Variants in SH3RF3 observed in about 807,000 individuals in gnomAD.
SH3RF3 encodes SH3 domain containing ring finger 3.
SH3RF3 carries 29 observed loss-of-function variants against 66.3 expected under a neutral mutation model. The observed-to-expected ratio is 0.44, with a 90% CI of 0.33 to 0.60. The LOEUF (loss-of-function observed/expected upper bound fraction) is 0.60, where lower values mean the gene tolerates loss of function less well. SH3RF3 is among the 20% of genes least tolerant of loss of function. SH3RF3 has a pLI of 0.04. For missense variants in SH3RF3, 1,194 were observed against 1,190.9 expected (o/e 1.00, Z -0.04); for synonymous variants, 583 against 532.0 (o/e 1.10, Z -1.32).
intron 9 of SH3RF3, among the ~76,000 whole-genome samples, chr2:109,494,978 G>A (rs542540737): frequency 1.2e-3 from 185 of 152,166 alleles, no homozygotes; most frequent in Non-Finnish European, 2.2e-3. Context: ...GGCCGGGTCA[G>A]CGAGGCTGGC....
At chr2:109,286,929 G>A (rs913381921) in intron 1 of SH3RF3, among the ~76,000 whole-genome samples, 2 of 152,184 alleles carry the variant, frequency 1.3e-5, no homozygotes, top group African/African-American at 4.8e-5. Flanking sequence ...AAAAGACAGT[G>A]AGCATTTGTG....
intron 1 of SH3RF3, among the ~76,000 whole-genome samples, chr2:109,316,117 C>G (rs745395654): frequency 1.2e-4 from 19 of 152,164 alleles, no homozygotes; most frequent in Non-Finnish European, 2.8e-4. Flanking sequence ...AAACCTAAAG[C>G]TTTCAAAAAG....
chr2:109,388,039 A>G (rs1042226100), intron 3 of SH3RF3, among the ~76,000 whole-genome samples: 4 of 152,148 alleles, frequency 2.6e-5, no homozygotes, highest in African/African-American at 9.7e-5. Context: ...ACTCCTGTTC[A>G]GCCCTCACAG....
At chr2:109,146,556 C>T (rs1677101704) in intron 1 of SH3RF3, among the ~76,000 whole-genome samples, 1 of 152,062 alleles carries the variant, frequency 6.6e-6, no homozygotes, top group Non-Finnish European at 1.5e-5. Context: ...TCCAAGAAGC[C>T]TACCTCTGAA....
At chr2:109,411,322 C>T (rs1298568836) in intron 4 of SH3RF3, among the ~76,000 whole-genome samples, 1 of 152,230 alleles carries the variant, frequency 6.6e-6, no homozygotes, top group East Asian at 1.9e-4. Flanking sequence ...AAAGGAGAGG[C>T]CCCTTTCCCT....
chr2:109,143,770 AC>A (rs2104841772), intron 1 of SH3RF3, among the ~76,000 whole-genome samples: 1 of 150,708 alleles, frequency 6.6e-6, no homozygotes, highest in East Asian at 1.9e-4. Flanking sequence ...AACAAAACAA[AC>A]AAACAAACAA....
chr2:109,397,807 C>T (rs766670758), intron 3 of SH3RF3, among the ~76,000 whole-genome samples: 34 of 152,240 alleles, frequency 2.2e-4, no homozygotes, highest in Non-Finnish European at 4.1e-4. Context: ...GTTTATTCCC[C>T]GGTTGCTCAT....
At chr2:109,405,381 G>C (rs1676426932) in intron 4 of SH3RF3, among the ~76,000 whole-genome samples, 1 of 152,116 alleles carries the variant, frequency 6.6e-6, no homozygotes, top group South Asian at 2.1e-4. Flanking sequence ...CTGCCCCTGA[G>C]TTCCCTCCTG....
intron 1 of SH3RF3, among the ~76,000 whole-genome samples, chr2:109,195,445 A>G (rs187808425): frequency 1.3e-5 from 2 of 152,344 alleles, no homozygotes; most frequent in East Asian, 3.9e-4. Context: ...CTGAGTGTCA[A>G]CTGTCGAGTG....
At chr2:109,193,375 G>C (rs966513166) in intron 1 of SH3RF3, among the ~76,000 whole-genome samples, 1 of 152,192 alleles carries the variant, frequency 6.6e-6, no homozygotes, top group Admixed American at 6.5e-5. Context: ...ATAATGTGTA[G>C]CCATCGCCAC....
chr2:109,211,775 A>T (rs1678987298), intron 1 of SH3RF3, among the ~76,000 whole-genome samples: 1 of 151,632 alleles, frequency 6.6e-6, no homozygotes, highest in African/African-American at 2.4e-5. Flanking sequence ...CTCCCTGAGT[A>T]GCTGGGATTA....
rs561569362 is a variant in SH3RF3 at position 109,437,019 on chromosome 2, G to C, written c.1701G>C (p.Arg567Ser). 5.6e-6 allele frequency: 9 copies of C among 1,613,720 alleles called. No individual in the cohort carries two copies. The highest frequency in any genetic ancestry group is 7.6e-6 in the Non-Finnish European group (9 of 1,179,902). Residue 567 changes from arginine to serine, a missense_variant, in exon 7 of 10, where the codon AGG becomes AGC. Transcript: ENST00000309415. ...TGAGCAGCCTGGCCACTGCCACCAG[G>C]CCCGCCCTGCCCATCACCACTCCCC... ...GSLSSLATATRPALPITTPQA... is the reference protein window; with the variant it reads ...GSLSSLATATSPALPITTPQA...
intron 1 of SH3RF3, among the ~76,000 whole-genome samples, chr2:109,206,665 A>C (rs531573629): frequency 7.2e-5 from 11 of 152,212 alleles, no homozygotes; most frequent in African/African-American, 2.6e-4. Flanking sequence ...ATTTTTTTTA[A>C]ATTAGCTGGG....
chr2:109,465,273 G>A (rs904413418), intron 8 of SH3RF3, among the ~76,000 whole-genome samples: 2 of 152,154 alleles, frequency 1.3e-5, no homozygotes, highest in African/African-American at 4.8e-5. Context: ...GAATACAGCC[G>A]CTATAAACAT....
At chr2:109,289,992 C>G (rs558456557) in intron 1 of SH3RF3, among the ~76,000 whole-genome samples, 1 of 152,272 alleles carries the variant, frequency 6.6e-6, no homozygotes, top group Non-Finnish European at 1.5e-5. Context: ...GCAAACAGAC[C>G]ACTGGGGGGA....
intron 7 of SH3RF3, among the ~76,000 whole-genome samples, chr2:109,447,311 G>A (rs1007177860): frequency 2.6e-5 from 4 of 152,030 alleles, no homozygotes; most frequent in African/African-American, 7.3e-5. Flanking sequence ...CTTCACACAC[G>A]GCTGTGTCAG....
intron 8 of SH3RF3, among the ~76,000 whole-genome samples, chr2:109,458,601 A>AGAGAGAGAGAGAGAGAGAGAGAGTGT (rs1553524376): frequency 6.7e-6 from 1 of 148,956 alleles, no homozygotes; most frequent in Non-Finnish European, 1.5e-5. Flanking sequence ...AGAGAGAGAG[A>AGAGAGAGAGAGAGAGAGAGAGAGTGT]ATTTATTTAT....
chr2:109,200,980 C>G (rs1267397578), intron 1 of SH3RF3, among the ~76,000 whole-genome samples: 1 of 152,160 alleles, frequency 6.6e-6, no homozygotes, highest in Admixed American at 6.5e-5. Context: ...ACCCGGGCTG[C>G]TGCTGGGGAC....
rs781191526 is a variant in SH3RF3, at chr2:109,504,525, G to A, written c.*2854G>A. The A allele has an allele frequency of 6.6e-5, 10 of 152,246 alleles. No individual in the cohort carries two copies. The highest frequency in any genetic ancestry group is 1.3e-4 in the Non-Finnish European group (9 of 68,048). 9.4% of individuals were successfully genotyped at this position (152,246 alleles called of 1,614,324 possible). A position where few individuals can be genotyped will look rare whatever the true frequency, so the allele number is the denominator to read the frequency against. On this transcript the variant is annotated 3_prime_UTR_variant, in exon 10 of 10. Coordinates refer to ENST00000309415, the MANE Select transcript of SH3RF3 (RefSeq NM_001099289.3). ...CACAAACACACACACCCTATCCCAA[G>A]TGTTTTTGTTAGACACAAATGTCAG...
Sources: allele counts gnomAD v4.1 joint callset (sites outside exome capture counted in the v4.1 genomes callset), GRCh38; gene constraint gnomAD v4.1.1; transcripts MANE v1.5; gene names NCBI Gene and HGNC (gene_info 2026-07-23, HGNC 2026-07-21).